CNOT6: variants seen among roughly 807,000 people sequenced by gnomAD.
The protein encoded by CNOT6 is CCR4-NOT transcription complex subunit 6.
A neutral mutation model predicts 61.2 loss-of-function variants in CNOT6; 12 were observed. The ratio of observed to expected loss-of-function variants is 0.20; its 90% CI spans 0.13 to 0.32. The LOEUF is 0.32. CNOT6 is among the 10% of genes least tolerant of loss of function. CNOT6 has a pLI of 1.00. For synonymous variants in CNOT6, 225 were observed against 240.6 expected (o/e 0.94, Z 0.60); for missense variants, 405 against 663.9 (o/e 0.61, Z 4.28).
rs1183319780 is a variant in CNOT6 at position 180,549,994 on chromosome 5, G to A, written c.176G>A (p.Ser59Asn). 3.1e-6 allele frequency: 5 copies of A among 1,614,094 alleles called. No individual in the cohort carries two copies. The highest frequency in any genetic ancestry group is 4.2e-6 in the Non-Finnish European group (5 of 1,179,978). Residue 59 changes from serine (S) to asparagine (N), a missense_variant, in exon 3 of 12, where the codon AGT becomes AAT. Around this residue, in one of 5 missense-constraint regions of CNOT6, gnomAD observed 212 missense variants for 307.1 expected, o/e 0.69. Coordinates refer to ENST00000261951, the MANE Select transcript of CNOT6 (RefSeq NM_001370472.1). ...ACTCACCTGACAGCTTTGCATTTGA[G>A]TGACAATTCCCTGTCCCGAATTCCT... ...SLTHLTALHL[S>N]DNSLSRIPSD... is the part of the protein sequence containing the mutation.
Position 180,567,977 on chromosome 5 carries a change from T to G in CNOT6, c.1001T>G (p.Leu334Arg). The G allele has an allele frequency of 6.2e-7, 1 of 1,609,452 alleles. No homozygotes were observed. Among genetic ancestry groups the G allele is most frequent in the Non-Finnish European group, 8.5e-7 (1 of 1,176,216 alleles). ...ATTGGGGTTGCAGTACTGCTAGAAC[T>G]TCGGAAGGAATCGATTGAAATGCCG... is the stretch of plus-strand genomic sequence containing the variant. ...DNIGVAVLLE[L>R]RKESIEMPSG... is the part of the protein sequence containing the mutation. The change falls in exon 9 of 12, where the codon CTT becomes CGT. Residue 334 changes from leucine to arginine, a missense_variant. Physicochemically the swap from Leu to Arg is moderately radical, Grantham distance 102. Transcript: ENST00000261951.
chr5:180,561,355 TTTGTG>T (rs1439793989), intron 4 of CNOT6, among the ~76,000 whole-genome samples: 1 of 105,990 alleles, frequency 9.4e-6, no homozygotes, highest in African/African-American at 3.4e-5. Context: ...TCTTGTGTGT[TTTGTG>T]TGTGTGTGTG....
chr5:180,570,219 G>A (rs1250808804), intron 10 of CNOT6, among the ~76,000 whole-genome samples: 1 of 152,128 alleles, frequency 6.6e-6, no homozygotes, highest in African/African-American at 2.4e-5. Context: ...TTAGCCAGGC[G>A]TGGTGGTGCA....
chr5:180,527,460 A>G (rs1251293508), intron 1 of CNOT6, among the ~76,000 whole-genome samples: 3 of 152,234 alleles, frequency 2.0e-5, no homozygotes. Context: ...AATTCACAAC[A>G]TGATAGTTAC....
chr5:180,543,005 TTC>T (rs1759121456), intron 2 of CNOT6, among the ~76,000 whole-genome samples: 1 of 152,194 alleles, frequency 6.6e-6, no homozygotes, highest in African/African-American at 2.4e-5. Flanking sequence ...GTACATTATG[TTC>T]TTTTACTTCT....
At chr5:180,564,165 C>T (rs1430272425) in intron 4 of CNOT6, among the ~76,000 whole-genome samples, 3 of 152,182 alleles carry the variant, frequency 2.0e-5, no homozygotes, top group African/African-American at 7.2e-5. Flanking sequence ...CCTGCCTGCC[C>T]CGTTCGTGTT....
At chr5:180,506,570 A>G (rs1307388128) in intron 1 of CNOT6, among the ~76,000 whole-genome samples, 1 of 152,208 alleles carries the variant, frequency 6.6e-6, no homozygotes, top group African/African-American at 2.4e-5. Context: ...CATTACACCT[A>G]TCTATTTGAT....
At chr5:180,510,542 C>T (rs182571183) in intron 1 of CNOT6, among the ~76,000 whole-genome samples, 16 of 152,248 alleles carry the variant, frequency 1.1e-4, no homozygotes, top group African/African-American at 3.9e-4. Context: ...AAATCATACA[C>T]TTGGCAAAAC....
intron 2 of CNOT6, among the ~76,000 whole-genome samples, chr5:180,533,342 A>ATC (rs1561645138): frequency 8.8e-6 from 1 of 113,366 alleles, no homozygotes; most frequent in African/African-American, 3.2e-5. Context: ...ATATATATAT[A>ATC]TCACCGTAAT....
At chr5:180,509,005 T>C (rs1757263645) in intron 1 of CNOT6, among the ~76,000 whole-genome samples, 1 of 151,946 alleles carries the variant, frequency 6.6e-6, no homozygotes. Flanking sequence ...GTATTTTTAG[T>C]AGAGACAGGT....
chr5:180,565,554 C>T (rs966167390), intron 6 of CNOT6, among the ~76,000 whole-genome samples: 3 of 152,124 alleles, frequency 2.0e-5, no homozygotes, highest in Non-Finnish European at 4.4e-5. Context: ...CTGAAGGGCT[C>T]ACGAGCTTAG....
intron 1 of CNOT6, among the ~76,000 whole-genome samples, chr5:180,516,419 A>C (rs913507020): frequency 1.3e-5 from 2 of 152,026 alleles, no homozygotes; most frequent in African/African-American, 4.8e-5. Flanking sequence ...CAACCTTGTG[A>C]TCCGCCTGCC....
At chr5:180,510,970 A>G (rs1328014831) in intron 1 of CNOT6, among the ~76,000 whole-genome samples, 10 of 152,024 alleles carry the variant, frequency 6.6e-5, no homozygotes. Flanking sequence ...ATTCCCGGCT[A>G]ATTTTTATAC....
Position 180,576,901 on chromosome 5 carries a change from A to T in CNOT6, c.*2701A>T, listed in dbSNP as rs566257461. 1 of 152,198 alleles carries T rather than the reference A, an allele frequency of 6.6e-6. No homozygotes were observed. Among genetic ancestry groups the T allele is most frequent in the African/African-American group, 2.4e-5 (1 of 41,458 alleles). 9.4% of individuals were successfully genotyped at this position (152,198 alleles called of 1,614,324 possible). A position where few individuals can be genotyped will look rare whatever the true frequency, so the allele number is the denominator to read the frequency against. On this transcript the variant is annotated 3_prime_UTR_variant, in exon 12 of 12. Coordinates refer to ENST00000261951, the MANE Select transcript of CNOT6 (RefSeq NM_001370472.1). ...AATGTCATTTCAGTATTTTTGCTGG[A>T]TAAATCCATTTTAGAAATGTCTTAC...
chr5:180,503,262 CTTT>C (rs66503357), intron 1 of CNOT6, among the ~76,000 whole-genome samples: 6 of 133,806 alleles, frequency 4.5e-5, no homozygotes, highest in East Asian at 2.2e-4. Flanking sequence ...TTGTATTTTT[CTTT>C]TTTTTTTTTT....
chr5:180,514,522 T>C (rs1465426745), intron 1 of CNOT6, among the ~76,000 whole-genome samples: 1 of 152,234 alleles, frequency 6.6e-6, no homozygotes, highest in African/African-American at 2.4e-5. Flanking sequence ...AGGTTAGTTG[T>C]AATCCTAAAA....
intron 4 of CNOT6, among the ~76,000 whole-genome samples, chr5:180,558,611 C>A (rs1032228777): frequency 2.3e-5 from 3 of 132,454 alleles, no homozygotes; most frequent in Non-Finnish European, 3.3e-5. Context: ...TTCCTTCCTT[C>A]TTGTGTTTGC....
chr5:180,551,277 A>C (rs1274114723), intron 3 of CNOT6, among the ~76,000 whole-genome samples: 1 of 152,038 alleles, frequency 6.6e-6, no homozygotes, highest in Non-Finnish European at 1.5e-5. Context: ...GGATGGCTTG[A>C]GCCCAGGAGG....
intron 1 of CNOT6, among the ~76,000 whole-genome samples, chr5:180,524,492 G>A (rs1227557041): frequency 6.6e-6 from 1 of 151,856 alleles, no homozygotes; most frequent in Non-Finnish European, 1.5e-5. Context: ...TTGGAAAATA[G>A]AGAAGCACTG....
Sources: allele counts gnomAD v4.1 joint callset (sites outside exome capture counted in the v4.1 genomes callset), GRCh38; gene constraint gnomAD v4.1.1; regional missense constraint gnomAD v4.1.1; transcripts MANE v1.5; gene names NCBI Gene and HGNC (gene_info 2026-07-23, HGNC 2026-07-21).